UBA7: variants seen among roughly 807,000 people sequenced by gnomAD.
The protein encoded by UBA7 is ubiquitin-like modifier-activating enzyme 7.
In UBA7, 88 loss-of-function variants were observed where a neutral mutation model predicts 113.0. That is an observed-to-expected ratio of 0.78 (90% confidence interval 0.66 to 0.93). The LOEUF is 0.93. Among genes scored for constraint, UBA7 ranks in the 40% least tolerant of loss-of-function variants. The pLI is 0.00. For missense variants in UBA7, 1,092 were observed against 1,266.4 expected, an observed-to-expected ratio of 0.86 and a Z score of 2.09; for synonymous variants, 459 against 513.0, an observed-to-expected ratio of 0.89 and a Z score of 1.42.
chr3:49,812,026 C>A lies in UBA7; in HGVS notation c.793-10G>T. ...CTGTGTCCAGGGACTTCTGCAAGGG[C>A]ACCTGGCTCAGGGTCTAGTCCAGAA... On this transcript the variant is annotated splice_polypyrimidine_tract_variant and intron_variant, in intron 7 of 23. Transcript: ENST00000333486. 1 of 1,614,192 alleles carries A rather than the reference C, an allele frequency of 6.2e-7. No homozygotes were observed. Among genetic ancestry groups the A allele is most frequent in the Non-Finnish European group, 8.5e-7 (1 of 1,180,026 alleles).
chr3:49,810,749 C>T lies in UBA7; in HGVS notation c.1311+3G>A, dbSNP rs776421719. ...GCACCCCCAGTCTCACCCCACAGCT[C>T]ACCAGGAGGTAGTGCTGGCGTCTCA... On this transcript the variant is annotated splice_donor_region_variant and intron_variant, in intron 11 of 23. Transcript: ENST00000333486. This position sits in a 1 kb window ranked among gnomAD's most constrained non-coding sequence, Gnocchi z 5.6. 4.3e-6 allele frequency: 7 copies of T among 1,614,170 alleles called. No homozygotes were observed. Among genetic ancestry groups the T allele is most frequent in the Non-Finnish European group, 5.9e-6 (7 of 1,180,022 alleles).
chr3:49,813,542 C>G lies in UBA7; in HGVS notation c.162G>C (p.Met54Ile). 3 of 1,614,048 alleles carry G rather than the reference C, an allele frequency of 1.9e-6. No individual in the cohort carries two copies. Among genetic ancestry groups the G allele is most frequent in the Non-Finnish European group, 2.5e-6 (3 of 1,180,040 alleles). ...GAEVAKNLVL[M>I]GVGSLTLHDP... ...CATGCAGAGTGAGGCTGCCCACACC[C>G]ATCAGAACCAAGTTCTTGGCCACCT... Residue 54 changes from methionine to isoleucine, a missense_variant, in exon 2 of 24, where the codon ATG (methionine) becomes ATC (isoleucine). Met to Ile is a conservative substitution (Grantham distance 10, BLOSUM62 1). This residue lies in a region of UBA7 where 584 missense variants were observed against 714.5 expected (regional missense o/e 0.82). Transcript: ENST00000333486.
Position 49,808,036 on chromosome 3 carries a change from G to A in UBA7, c.2507C>T (p.Pro836Leu), listed in dbSNP as rs767612477. ...TGGGGTTACCTGGGCACGGTTGACC[G>A]GTGGAATCCCGTAGTTCTGACATCT... Reference protein sequence around the residue: ...SLRCQNYGIPPVNRAQSKRIV... With the variant: ...SLRCQNYGIPLVNRAQSKRIV... The change falls in exon 20 of 24, where the codon CCG becomes CTG. Residue 836 changes from proline (P) to leucine (L), a missense_variant. By Grantham distance (98) the Pro-to-Leu change is moderately conservative. Around this residue, in one of 3 missense-constraint regions of UBA7, gnomAD observed 500 missense variants for 529.3 expected, o/e 0.94. Transcript: ENST00000333486. The A allele has an allele frequency of 3.5e-5, 57 of 1,613,978 alleles. No homozygotes were observed. Among genetic ancestry groups the A allele is most frequent in the Admixed American group, 1.2e-4 (7 of 59,984 alleles).
At position 49,806,390 on chromosome 3, in the gene UBA7, G is replaced by A. The variant is rs540322277; in HGVS notation, c.2716-225C>T. 3.6e-4 allele frequency: 212 copies of A among 591,020 alleles called. 2 individuals carry two copies. Among genetic ancestry groups the A allele is most frequent in the Non-Finnish European group, 1.2e-4 (39 of 330,946 alleles). The allele number at this position is 591,020 out of a possible 1,614,324, so 36.6% of individuals were successfully genotyped here. A position where few individuals can be genotyped will look rare whatever the true frequency, so the allele number is the denominator to read the frequency against. Reference sequence around the variant, plus strand: ...GCTATGGGGCCCGCACAGGGAAACAGACGATCCATCACATGGGCCAGTTGT... The same window carrying A: ...GCTATGGGGCCCGCACAGGGAAACAAACGATCCATCACATGGGCCAGTTGT... On this transcript the variant is annotated intron_variant, in intron 21 of 23. Coordinates refer to ENST00000333486, the MANE Select transcript of UBA7 (RefSeq NM_003335.3).
chr3:49,813,520 G>A lies in UBA7; in HGVS notation c.184C>T (p.His62Tyr), dbSNP rs796827507. The change falls in exon 2 of 24, where the codon CAT (histidine) becomes TAT (tyrosine). Residue 62 changes from histidine (H) to tyrosine (Y), a missense_variant. By Grantham distance (83) the His-to-Tyr change is moderately conservative. This residue lies in a region of UBA7 where 584 missense variants were observed against 714.5 expected (regional missense o/e 0.82). Coordinates refer to ENST00000333486, the MANE Select transcript of UBA7 (RefSeq NM_003335.3). ...VLMGVGSLTL[H>Y]DPHPTCWSDL... ...GACCAGCAGGTGGGGTGGGGATCAT[G>A]CAGAGTGAGGCTGCCCACACCCATC... 2 of 1,613,984 alleles carry A rather than the reference G, an allele frequency of 1.2e-6. No homozygotes were observed. The highest frequency in any genetic ancestry group is 3.3e-5 in the Admixed American group (2 of 60,036).
rs1273737378 is a variant in UBA7 at position 49,809,877 on chromosome 3, C to T, written c.1842G>A (p.Trp614Ter). ...FPSTAEHTLQ[W>*]ARHEFEELFR... ...AGAGTTCTTCAAACTCATGCCGGGC[C>T]CACTGTGGAGGAGGGAGGAAGAATG... The change falls in exon 15 of 24, where the codon TGG becomes TGA. Residue 614 changes from tryptophan (W) to a stop codon, truncating the protein, a stop_gained and splice_region_variant. Transcript: ENST00000333486. LOFTEE classifies it high-confidence loss of function. 6.2e-7 allele frequency: 1 copy of T among 1,614,014 alleles called. No homozygotes were observed. Among genetic ancestry groups the T allele is most frequent in the African/African-American group, 1.3e-5 (1 of 74,918 alleles).
Position 49,805,928 on chromosome 3 carries a change from G to T in UBA7, c.2878C>A (p.Pro960Thr). The T allele has an allele frequency of 1.3e-6, 2 of 1,559,138 alleles. No individual in the cohort carries two copies. Among genetic ancestry groups the T allele is most frequent in the Non-Finnish European group, 1.7e-6 (2 of 1,151,406 alleles). Residue 960 changes from proline (P) to threonine (T), a missense_variant, in exon 23 of 24, where the codon CCT (proline) becomes ACT (threonine). By Grantham distance (38) the Pro-to-Thr change is conservative. Around this residue, in one of 3 missense-constraint regions of UBA7, gnomAD observed 500 missense variants for 529.3 expected, o/e 0.94. Transcript: ENST00000333486. ...SALLYAAGWS[P>T]EKQAQHLPLR... ...GGCAGGTGCTGGGCCTGCTTTTCAG[G>T]TGACCATCCGGCCGCATAGAGCAGG...
chr3:49,809,823 GTGGT>G lies in UBA7; in HGVS notation c.1892_1895del (p.Asn631ThrfsTer21). On this transcript the variant is annotated frameshift_variant, in exon 15 of 24. Transcript: ENST00000333486. LOFTEE classifies it high-confidence loss of function. ...TCTGTTGGTGGCCTTACTGTTGGTG[GTGGT>G]TGATGGTCTCTGCAGACAGTCGGAA... 1 of 1,614,194 alleles carries G rather than the reference GTGGT, an allele frequency of 6.2e-7. No individual in the cohort carries two copies. Among genetic ancestry groups the G allele is most frequent in the Non-Finnish European group, 8.5e-7 (1 of 1,180,040 alleles).
Position 49,805,539 on chromosome 3 carries a change from C to T in UBA7, c.2910-102G>A. ...GGGTGCTGGCAGGCCGTCAGGAGCC[C>T]AAGCCAGGAGCAGGAGCTGCTCAAG... On this transcript the variant is annotated intron_variant, in intron 23 of 23. Transcript: ENST00000333486. The T allele has an allele frequency of 3.6e-6, 4 of 1,114,944 alleles. No individual in the cohort carries two copies. In the South Asian group the frequency reaches 5.2e-5, roughly 14 times the overall value. 69.1% of individuals were successfully genotyped at this position (1,114,944 alleles called of 1,614,324 possible).
intron 8 of UBA7, 114 bp from the exon 9 acceptor site, chr3:49,811,569 G>T: frequency 6.9e-7 from 1 of 1,441,594 alleles, no homozygotes; most frequent in Non-Finnish European, 9.3e-7. Context: ...GCAGAAGCCT[G>T]GGTGGGAAGG....
chr3:49,806,186 A>G, intron 21 of UBA7, 21 bp from the exon 22 acceptor site: 1 of 1,568,364 alleles, frequency 6.4e-7, no homozygotes, highest in Non-Finnish European at 8.7e-7. Flanking sequence ...GTAGAGGAGG[A>G]GTCAGAGACT....
At chr3:49,811,224 C>T (rs757039676) in intron 9 of UBA7, 49 bp downstream of exon 9, 7 of 1,610,348 alleles carry the variant, frequency 4.3e-6, no homozygotes, top group Admixed American at 1.7e-5. Context: ...GACACACACA[C>T]TGATCTCCAC....
In UBA7 at chr3:49,813,754, C is replaced by T. The variant is rs753923714; in HGVS notation, c.34G>A (p.Glu12Lys). The T allele has an allele frequency of 1.7e-5, 27 of 1,614,232 alleles. No homozygotes were observed. Among genetic ancestry groups the T allele is most frequent in the Non-Finnish European group, 2.1e-5 (25 of 1,180,042 alleles). ...CACAGCTGTCTTGAATACAGCTCCT[C>T]ATCCAGTAGCTTCGAAGCGTCCAGG... is the stretch of plus-strand genomic sequence containing the variant. The part of the protein sequence containing the change: ...DALDASKLLD[E>K]ELYSRQLYVL... Residue 12 changes from glutamate (E) to lysine (K), a missense_variant, in exon 1 of 24, where the codon GAG (glutamate) becomes AAG (lysine). Glu to Lys is a moderately conservative substitution (Grantham distance 56). Coordinates refer to ENST00000333486, the MANE Select transcript of UBA7 (RefSeq NM_003335.3).
rs141870400 is a variant in UBA7, at chr3:49,810,522, C to T, written c.1462G>A (p.Val488Ile). ...GGAGAGGGGTCAGCACTCACACCAA[C>T]GTCCTGGGACCTGAAGAGGAACTGA... ...SRQFLFRSQD[V>I]GRPKAEVAAA... Residue 488 changes from valine (V) to isoleucine (I), a missense_variant, in exon 12 of 24, where the codon GTT becomes ATT. Around this residue, in one of 3 missense-constraint regions of UBA7, gnomAD observed 584 missense variants for 714.5 expected, o/e 0.82. Transcript: ENST00000333486. The surrounding 1 kb of genome is among the most constrained non-coding windows in gnomAD (Gnocchi z 5.6). 17 of 1,613,966 alleles carry T rather than the reference C, an allele frequency of 1.1e-5. No homozygotes were observed. The African/African-American group carries it at 1.1e-4, about 10-fold the overall frequency.
In UBA7 at chr3:49,807,990, C is replaced by T. The variant is rs745670939; in HGVS notation, c.2523+30G>A. The T allele has an allele frequency of 6.2e-7, 1 of 1,614,058 alleles. No individual in the cohort carries two copies. The highest frequency in any genetic ancestry group is 1.1e-5 in the South Asian group (1 of 91,056). On this transcript the variant is annotated intron_variant, in intron 20 of 23. Coordinates refer to ENST00000333486, the MANE Select transcript of UBA7 (RefSeq NM_003335.3). This position sits in a 1 kb window ranked among gnomAD's most constrained non-coding sequence, Gnocchi z 4.0. ...TAGGGCCAGGGTTTGCCCTCCACCT[C>T]CAGGCCCAAGCCTCAAGGGGTGGGG...
In UBA7 at chr3:49,812,174, T is replaced by C; in HGVS notation, c.727A>G (p.Thr243Ala). ...CCACCACGCAAGTACCGAGAGAAAGTTGTTGTGTCTCCAATCTCCAGGGAC... is the reference window on the plus strand; with the variant it reads ...CCACCACGCAAGTACCGAGAGAAAGCTGTTGTGTCTCCAATCTCCAGGGAC... The part of the protein sequence containing the change: ...DGSLEIGDTT[T>A]FSRYLRGGAI... The change falls in exon 7 of 24, where the codon ACT becomes GCT. Residue 243 changes from threonine to alanine, a missense_variant. Coordinates refer to ENST00000333486, the MANE Select transcript of UBA7 (RefSeq NM_003335.3). The C allele has an allele frequency of 6.2e-7, 1 of 1,614,014 alleles. No homozygotes were observed. Among genetic ancestry groups the C allele is most frequent in the Non-Finnish European group, 8.5e-7 (1 of 1,180,024 alleles).
Position 49,811,371 on chromosome 3 carries a change from C to T in UBA7, c.1024G>A (p.Asp342Asn), listed in dbSNP as rs1424958297. Reference protein sequence around the residue: ...TEEEPLEEPLDEALVRTVALS... With the variant: ...TEEEPLEEPLNEALVRTVALS... ...GCGACTGTCCGCACTAGGGCCTCAT[C>T]CAGTGGCTCTTCCAGTGGCTCTTCC... Residue 342 changes from aspartate (D) to asparagine (N), a missense_variant, in exon 9 of 24, where the codon GAT (aspartate) becomes AAT (asparagine). By Grantham distance (23) the Asp-to-Asn change is conservative. Transcript: ENST00000333486. 1 of 1,613,948 alleles carries T rather than the reference C, an allele frequency of 6.2e-7. No individual in the cohort carries two copies. Among genetic ancestry groups the T allele is most frequent in the Non-Finnish European group, 8.5e-7 (1 of 1,179,944 alleles).
Position 49,812,119 on chromosome 3 carries a change from G to C in UBA7, c.782C>G (p.Thr261Ser). ...GAITEVKRPK[T>S]VRHKSLDTAL... Reference sequence around the variant, plus strand: ...TGCACTTGCACTCACATGTCTCACAGTCTTGGGTCTCTTGACTTCAGTGAT... The same window carrying C: ...TGCACTTGCACTCACATGTCTCACACTCTTGGGTCTCTTGACTTCAGTGAT... Residue 261 changes from threonine to serine, a missense_variant, in exon 7 of 24, where the codon ACT becomes AGT. Coordinates refer to ENST00000333486, the MANE Select transcript of UBA7 (RefSeq NM_003335.3). 6.2e-7 allele frequency: 1 copy of C among 1,614,102 alleles called. No homozygotes were observed. Among genetic ancestry groups the C allele is most frequent in the Non-Finnish European group, 8.5e-7 (1 of 1,180,048 alleles).
At chr3:49,812,330 C>G in intron 6 of UBA7, 78 bp downstream of exon 6, 1 of 1,610,708 alleles carries the variant, frequency 6.2e-7, no homozygotes, top group South Asian at 1.1e-5. Flanking sequence ...GAGAAAAACC[C>G]ATCCCAAGGG....
Sources: gnomAD v4.1 joint callset for allele counts on GRCh38, gnomAD v4.1.1 for gene constraint, gnomAD v4.1.1 regional missense constraint, Gnocchi (gnomAD v3.1) non-coding constraint, MANE v1.5 for transcripts, NCBI Gene and HGNC (gene_info 2026-07-23, HGNC 2026-07-21) for gene names.